Variants in CEP70 observed in about 807,000 individuals in gnomAD.
CEP70 encodes the protein centrosomal protein of 70 kDa.
A neutral mutation model predicts 90.9 loss-of-function variants in CEP70; 70 were observed. The ratio of observed to expected loss-of-function variants is 0.77; its 90% CI spans 0.64 to 0.94. The LOEUF (loss-of-function observed/expected upper bound fraction) is 0.94. CEP70 is among the 40% of genes least tolerant of loss of function. The pLI is 0.00. For missense variants in CEP70, 648 were observed against 669.0 expected (o/e 0.97, Z 0.35); for synonymous variants, 220 against 228.3 (o/e 0.96, Z 0.33).
At chr3:138,512,811 A>G (rs1409173555) in intron 11 of CEP70, among the ~76,000 whole-genome samples, 1 of 152,216 alleles carries the variant, frequency 6.6e-6, no homozygotes, top group African/African-American at 2.4e-5. Context: ...AATAAGATCC[A>G]TGCTGGAGAT....
intron 11 of CEP70, among the ~76,000 whole-genome samples, chr3:138,524,032 G>C (rs1576637375): frequency 9.7e-6 from 1 of 103,094 alleles, no homozygotes; most frequent in East Asian, 2.4e-4. Context: ...CAGATACATA[G>C]AACAATGGAA....
At chr3:138,541,813 G>A (rs1260092270) in intron 6 of CEP70, among the ~76,000 whole-genome samples, 3 of 152,180 alleles carry the variant, frequency 2.0e-5, no homozygotes, top group Non-Finnish European at 2.9e-5. Flanking sequence ...CTTGAGCTCA[G>A]GAATTTGAGA....
intron 2 of CEP70, among the ~76,000 whole-genome samples, chr3:138,580,867 T>G (rs1479263401): frequency 6.6e-6 from 1 of 151,980 alleles, no homozygotes; most frequent in East Asian, 1.9e-4. Context: ...GTGTGAGAAA[T>G]GCAACTGACA....
intron 11 of CEP70, among the ~76,000 whole-genome samples, chr3:138,509,475 T>C (rs2035318597): frequency 1.3e-5 from 2 of 152,196 alleles, no homozygotes; most frequent in Non-Finnish European, 2.9e-5. Flanking sequence ...TACAACTATG[T>C]ATAAGTGTAT....
At chr3:138,564,606 A>C (rs1003315371) in intron 6 of CEP70, among the ~76,000 whole-genome samples, 5 of 152,214 alleles carry the variant, frequency 3.3e-5, no homozygotes, top group Non-Finnish European at 7.3e-5. Flanking sequence ...CCACATGATT[A>C]TCTCAATAGA....
At chr3:138,500,330 T>A (rs1576510666) in intron 15 of CEP70, 69 bp downstream of exon 15, 2 of 1,522,692 alleles carry the variant, frequency 1.3e-6, no homozygotes, top group South Asian at 1.3e-5. Flanking sequence ...AAACATTTTT[T>A]AATCTACTTT....
At chr3:138,564,951 T>A (rs144972286) in intron 6 of CEP70, among the ~76,000 whole-genome samples, 3 of 152,162 alleles carry the variant, frequency 2.0e-5, no homozygotes, top group Non-Finnish European at 2.9e-5. Flanking sequence ...GAAAACCCCA[T>A]TGTCTCAGCC....
intron 7 of CEP70, among the ~76,000 whole-genome samples, chr3:138,534,725 T>C: frequency 6.6e-6 from 1 of 152,206 alleles, no homozygotes; most frequent in Non-Finnish European, 1.5e-5. Context: ...CTCTGGAGTT[T>C]GGCCCTTTTA....
chr3:138,508,516 C>G lies in CEP70; in HGVS notation c.973G>C (p.Ala325Pro). 6.2e-7 allele frequency: 1 copy of G among 1,611,526 alleles called. No individual in the cohort carries two copies. The highest frequency in any genetic ancestry group is 8.5e-7 in the Non-Finnish European group (1 of 1,178,008). Residue 325 changes from alanine (A) to proline (P), a missense_variant, in exon 12 of 18, where the codon GCT becomes CCT. Ala to Pro is a conservative substitution (Grantham distance 27, BLOSUM62 -1). Transcript: ENST00000264982. ...TCATCTTTCTTCTCTGTGTCCTCAG[C>G]CTTCTTATGATTAATAAGCTCCTGT... Reference protein sequence around the residue: ...KLQELINHKKAEDTEKKDEPS... With the variant: ...KLQELINHKKPEDTEKKDEPS...
intron 13 of CEP70, among the ~76,000 whole-genome samples, chr3:138,501,721 G>C (rs984786130): frequency 6.6e-6 from 1 of 152,122 alleles, no homozygotes; most frequent in African/African-American, 2.4e-5. Context: ...ATTTTAAACT[G>C]TGCACAATGG....
intron 2 of CEP70, among the ~76,000 whole-genome samples, chr3:138,588,336 A>T (rs2042208578): frequency 6.6e-6 from 1 of 152,214 alleles, no homozygotes; most frequent in Non-Finnish European, 1.5e-5. Context: ...GGAATCAGAA[A>T]AGGTTCATAT....
chr3:138,582,005 G>A (rs1223792891), intron 2 of CEP70, among the ~76,000 whole-genome samples: 1 of 152,110 alleles, frequency 6.6e-6, no homozygotes, highest in Non-Finnish European at 1.5e-5. Flanking sequence ...TTTTACCCTA[G>A]AATACGTCAA....
At position 138,591,893 on chromosome 3, in the gene CEP70, C is replaced by A. The variant is rs761678034; in HGVS notation, c.-45G>T. 1.8e-4 allele frequency: 270 copies of A among 1,495,462 alleles called. No homozygotes were observed. Among genetic ancestry groups the A allele is most frequent in the Non-Finnish European group, 2.3e-4 (253 of 1,124,318 alleles). The allele number at this position is 1,495,462 out of a possible 1,614,324, so 92.6% of individuals were successfully genotyped here. ...ATTACTCTTGCACTTTACACCTGGT[C>A]ATTCAGGTTGATCTCAATGAAATGA... On this transcript the variant is annotated 5_prime_UTR_variant, in exon 2 of 18. It removes an upstream start codon present in the reference 5' UTR. Transcript: ENST00000264982.
intron 2 of CEP70, among the ~76,000 whole-genome samples, chr3:138,574,772 G>T (rs1402776688): frequency 6.6e-6 from 1 of 152,208 alleles, no homozygotes; most frequent in Admixed American, 6.5e-5. Context: ...AATATTTGCT[G>T]TTCTGCAGCC....
At chr3:138,551,441 C>T (rs1035590516) in intron 6 of CEP70, among the ~76,000 whole-genome samples, 3 of 151,966 alleles carry the variant, frequency 2.0e-5, no homozygotes, top group African/African-American at 7.2e-5. Context: ...ACCTATAAAA[C>T]AAAAATACAA....
In CEP70 at chr3:138,582,455, G is replaced by A. The variant is rs181999463; in HGVS notation, c.-6+9399C>T. On this transcript the variant is annotated intron_variant, in intron 2 of 17. Transcript: ENST00000264982. ...CCACTGAACTCCAGCCTGGGTGACAGAGCGAGACTCCATCTCAAAAAATTA... is the reference window on the plus strand; with the variant it reads ...CCACTGAACTCCAGCCTGGGTGACAAAGCGAGACTCCATCTCAAAAAATTA... 3.5e-4 allele frequency among the ~76,000 whole-genome samples: 53 copies of A among 151,416 alleles called. 1 individual carries two copies. Among genetic ancestry groups the A allele is most frequent in the African/African-American group, 1.2e-3 (51 of 41,080 alleles).
intron 2 of CEP70, among the ~76,000 whole-genome samples, chr3:138,584,461 C>CAAAAAAAAAAAAAAAAA (rs35985463): frequency 3.3e-5 from 3 of 92,162 alleles, no homozygotes; most frequent in Non-Finnish European, 6.4e-5. Flanking sequence ...AAAGACATAT[C>CAAAAAAAAAAAAAAAAA]AAAAAAAAAA....
At chr3:138,579,994 G>A (rs149363898) in intron 2 of CEP70, among the ~76,000 whole-genome samples, 3 of 152,148 alleles carry the variant, frequency 2.0e-5, no homozygotes, top group Non-Finnish European at 4.4e-5. Context: ...GCCCTGAAAG[G>A]TGAGTCCCAG....
At chr3:138,533,287 A>G (rs2037983571) in intron 7 of CEP70, among the ~76,000 whole-genome samples, 13 of 149,634 alleles carry the variant, frequency 8.7e-5, no homozygotes, top group Admixed American at 8.7e-4. Context: ...CTCAAAAAGA[A>G]AAAAAAAAAA....
Sources: gnomAD v4.1 joint callset for allele counts (sites outside exome capture counted in the v4.1 genomes callset) on GRCh38, gnomAD v4.1.1 for gene constraint, MANE v1.5 for transcripts, NCBI Gene and HGNC (gene_info 2026-07-23, HGNC 2026-07-21) for gene names.